ADAMTS5: variants seen among roughly 807,000 people sequenced by gnomAD.
ADAMTS5 encodes the protein ADAM metallopeptidase with thrombospondin type 1 motif 5.
A neutral mutation model predicts 81.4 loss-of-function variants in ADAMTS5; 54 were observed. The ratio of observed to expected loss-of-function variants is 0.66; its 90% confidence interval spans 0.53 to 0.83. The LOEUF (loss-of-function observed/expected upper bound fraction) is 0.83, where lower values mean the gene tolerates loss of function less well. Among genes scored for constraint, ADAMTS5 ranks in the 40% least tolerant of loss-of-function variants. The probability of loss-of-function intolerance (pLI) is 0.00; values close to 1 mark genes in which losing one functional copy is unlikely to be tolerated. For synonymous variants in ADAMTS5, 532 were observed against 508.8 expected (o/e 1.05, Z -0.61); for missense variants, 1,194 against 1,229.9 (o/e 0.97, Z 0.44).
At chr21:26,926,445 A>G (rs1304478223) in intron 7 of ADAMTS5, among the ~76,000 whole-genome samples, 1 of 152,146 alleles carries the variant, frequency 6.6e-6, no homozygotes, top group African/African-American at 2.4e-5. Context: ...GACTGAGGCA[A>G]GGGGATCACC....
At position 26,938,245 on chromosome 21, in the gene ADAMTS5, C is replaced by CA. The variant is rs961657937; in HGVS notation, c.1406-3497dup. Among the ~76,000 whole-genome samples, 240 of 127,652 alleles carry CA rather than the reference C, an allele frequency of 1.9e-3. 2 individuals are homozygous for CA. Among genetic ancestry groups the CA allele is most frequent in the South Asian group, 2.3e-3 (9 of 3,876 alleles). 83.7% of individuals were successfully genotyped at this position (127,652 alleles called of 152,430 possible). A position where few individuals can be genotyped will look rare whatever the true frequency, so the allele number is the denominator to read the frequency against. Reference sequence around the variant, plus strand: ...GGCAACAAAGAGCGAAACTCCGTCTCAAAAAAAAAAAGAAAAGAAAGAAAG... The same window carrying CA: ...GGCAACAAAGAGCGAAACTCCGTCTCAAAAAAAAAAAAGAAAAGAAAGAAAG... On this transcript the variant is annotated intron_variant, in intron 3 of 7. Coordinates refer to ENST00000284987, the MANE Select transcript of ADAMTS5 (RefSeq NM_007038.5).
chr21:26,962,703 C>T (rs1015457794), intron 1 of ADAMTS5, among the ~76,000 whole-genome samples: 1 of 152,200 alleles, frequency 6.6e-6, no homozygotes, highest in African/African-American at 2.4e-5. Context: ...CTAAGCAACG[C>T]ACTTCTTACA....
At chr21:26,942,402 T>A (rs1254481721) in intron 3 of ADAMTS5, among the ~76,000 whole-genome samples, 1 of 152,146 alleles carries the variant, frequency 6.6e-6, no homozygotes, top group Non-Finnish European at 1.5e-5. Context: ...TTATAGAAAA[T>A]TATTATGATC....
rs544366909 is a variant in ADAMTS5, at chr21:26,940,192, GA to G, written c.1405+3187del. 4.5e-3 allele frequency among the ~76,000 whole-genome samples: 684 copies of G among 152,292 alleles called. 7 individuals carry two copies. The highest frequency in any genetic ancestry group is 0.016 in the African/African-American group (646 of 41,558). On this transcript the variant is annotated intron_variant, in intron 3 of 7. Transcript: ENST00000284987. ...ATTTCTCCAGTATTGCTGAAGGTGAGAGGGGGTGGGGTAAGATATTAGACAT... is the reference window on the plus strand; with the variant it reads ...ATTTCTCCAGTATTGCTGAAGGTGAGGGGGGTGGGGTAAGATATTAGACAT...
intron 2 of ADAMTS5, among the ~76,000 whole-genome samples, chr21:26,950,260 T>G (rs966475652): frequency 2.0e-5 from 3 of 152,236 alleles, no homozygotes; most frequent in African/African-American, 7.2e-5. Context: ...CCTAGTGTAT[T>G]AGAAGCTGGC....
rs1427744651 is a variant in ADAMTS5 at position 26,924,422 on chromosome 21, A to G, written c.2424T>C (p.Tyr808=). 5.0e-6 allele frequency: 8 copies of G among 1,614,068 alleles called. No homozygotes were observed. The African/African-American group carries it at 5.3e-5, about 11-fold the overall frequency. ...IIDINGTVMN[Y]SGWSHRDDFL... is the part of the protein sequence containing the mutation. Reference sequence around the variant, plus strand: ...AGTCATCCCTGTGGCTCCAACCGCTATAGTTCATGACTGTTCCATTGATGT... The same window carrying G: ...AGTCATCCCTGTGGCTCCAACCGCTGTAGTTCATGACTGTTCCATTGATGT... Residue 808 remains tyrosine, a synonymous_variant, in exon 8 of 8, where the codon TAT becomes TAC. Transcript: ENST00000284987.
At chr21:26,930,170 A>G in intron 6 of ADAMTS5, 109 bp from the exon 7 acceptor site, 2 of 1,022,616 alleles carry the variant, frequency 2.0e-6, no homozygotes, top group Non-Finnish European at 1.4e-6. Flanking sequence ...ATTGGTATGG[A>G]CAGTCCATTG....
intron 3 of ADAMTS5, among the ~76,000 whole-genome samples, chr21:26,942,816 G>A (rs949047351): frequency 6.6e-6 from 1 of 152,156 alleles, no homozygotes; most frequent in Non-Finnish European, 1.5e-5. Context: ...CCATCATTCA[G>A]ATTGCTTTTC....
intron 1 of ADAMTS5, among the ~76,000 whole-genome samples, chr21:26,964,340 T>C (rs752873090): frequency 5.9e-5 from 9 of 152,172 alleles, no homozygotes; most frequent in Non-Finnish European, 8.8e-5. Flanking sequence ...TCAAATACTG[T>C]GTAAATAGAT....
chr21:26,962,877 A>G (rs1266688146), intron 1 of ADAMTS5, among the ~76,000 whole-genome samples: 1 of 150,720 alleles, frequency 6.6e-6, no homozygotes, highest in East Asian at 1.9e-4. Flanking sequence ...TTTTTTTTTC[A>G]TGCTCTGAAG....
chr21:26,938,556 G>A (rs190870995), intron 3 of ADAMTS5, among the ~76,000 whole-genome samples: 22 of 152,290 alleles, frequency 1.4e-4, no homozygotes, highest in Admixed American at 1.3e-3. Flanking sequence ...TTCAGATGGA[G>A]TCTAGCTCTG....
intron 1 of ADAMTS5, among the ~76,000 whole-genome samples, chr21:26,960,316 C>T (rs750840219): frequency 1.3e-5 from 2 of 152,168 alleles, no homozygotes; most frequent in Non-Finnish European, 2.9e-5. Context: ...TTGCTGTCTT[C>T]CTACTAATGT....
intron 2 of ADAMTS5, among the ~76,000 whole-genome samples, chr21:26,949,851 C>A (rs913768868): frequency 2.0e-5 from 3 of 152,184 alleles, no homozygotes; most frequent in Non-Finnish European, 4.4e-5. Context: ...TTCCTTCGAA[C>A]TTTACATCTT....
chr21:26,965,362 A>C lies in ADAMTS5; in HGVS notation c.1030T>G (p.Trp344Gly). The change falls in exon 1 of 8, where the codon TGG becomes GGG. Residue 344 changes from tryptophan to glycine, a missense_variant. Trp to Gly is a radical substitution (Grantham distance 184). Transcript: ENST00000284987. ...CCCAGCTGGTTGTGTTGGTGCTGCC[A>C]CTTGCAAAAGTTCTTGAGTGTGGTG... is the stretch of plus-strand genomic sequence containing the variant. ...AATTLKNFCK[W>G]QHQHNQLGDD... 6.2e-7 allele frequency: 1 copy of C among 1,614,240 alleles called. No homozygotes were observed. The highest frequency in any genetic ancestry group is 8.5e-7 in the Non-Finnish European group (1 of 1,180,032).
At chr21:26,943,870 A>G (rs1987162702) in intron 2 of ADAMTS5, among the ~76,000 whole-genome samples, 1 of 152,188 alleles carries the variant, frequency 6.6e-6, no homozygotes, top group Admixed American at 6.5e-5. Context: ...TTGTGGGATT[A>G]TGTCATAGCC....
At chr21:26,962,149 T>G (rs1296613335) in intron 1 of ADAMTS5, among the ~76,000 whole-genome samples, 2 of 151,044 alleles carry the variant, frequency 1.3e-5, no homozygotes, top group African/African-American at 2.4e-5. Context: ...TGGAGGGATA[T>G]TAAACAATTT....
intron 3 of ADAMTS5, among the ~76,000 whole-genome samples, chr21:26,939,299 G>A (rs1424952305): frequency 6.6e-6 from 1 of 152,188 alleles, no homozygotes; most frequent in Non-Finnish European, 1.5e-5. Flanking sequence ...AAGATTCCCT[G>A]TGATAGAGGA....
chr21:26,952,166 C>T (rs1987331797), intron 2 of ADAMTS5, among the ~76,000 whole-genome samples: 1 of 152,124 alleles, frequency 6.6e-6, no homozygotes, highest in African/African-American at 2.4e-5. Flanking sequence ...ATTACAGGGA[C>T]TTCTAAAGAA....
Position 26,943,372 on chromosome 21 carries a change from A to G in ADAMTS5, c.1405+8T>C. On this transcript the variant is annotated splice_region_variant and intron_variant, in intron 3 of 7. Transcript: ENST00000284987. Reference sequence around the variant, plus strand: ...TTCTCAGTCTGTGTTCTCCTAAATGATACATACCATGGCCATCATCCAGGA... The same window carrying G: ...TTCTCAGTCTGTGTTCTCCTAAATGGTACATACCATGGCCATCATCCAGGA... The G allele has an allele frequency of 1.2e-6, 2 of 1,610,318 alleles. No homozygotes were observed. Among genetic ancestry groups the G allele is most frequent in the Non-Finnish European group, 1.7e-6 (2 of 1,178,390 alleles).
Sources: gnomAD v4.1 joint callset for allele counts (sites outside exome capture counted in the v4.1 genomes callset) on GRCh38, gnomAD v4.1.1 for gene constraint, MANE v1.5 for transcripts, NCBI Gene and HGNC (gene_info 2026-07-23, HGNC 2026-07-21) for gene names.